Variants in WWOX observed in about 807,000 individuals in gnomAD.
The protein encoded by WWOX is WW domain containing oxidoreductase, also known as WW domain-containing oxidoreductase.
A neutral mutation model predicts 46.2 loss-of-function variants in WWOX; 69 were observed. That is an observed-to-expected ratio of 1.49 (90% CI 1.23 to 1.82). The LOEUF is 1.82. WWOX is among the 40% of genes most tolerant of loss of function. The pLI is 0.00. For synonymous variants in WWOX, 359 were observed against 202.6 expected (o/e 1.77, Z -6.56); for missense variants, 919 against 542.6 (o/e 1.69, Z -6.89).
intron 8 of WWOX, among the ~76,000 whole-genome samples, chr16:78,815,506 C>T (rs1385294782): frequency 2.0e-5 from 3 of 152,174 alleles, no homozygotes; most frequent in African/African-American, 4.8e-5. Context: ...AGTGTACCAT[C>T]TGCCTCTTGC....
intron 8 of WWOX, among the ~76,000 whole-genome samples, chr16:78,523,897 A>T (rs992375311): frequency 2.0e-4 from 30 of 152,198 alleles, no homozygotes; most frequent in African/African-American, 6.5e-4. Flanking sequence ...TACAGGTAAG[A>T]ACACAGCCCC....
At chr16:78,593,326 C>T (rs1298434893) in intron 8 of WWOX, among the ~76,000 whole-genome samples, 1 of 152,158 alleles carries the variant, frequency 6.6e-6, no homozygotes, top group Non-Finnish European at 1.5e-5. Context: ...TAGGCTTGAA[C>T]CACCATCCCT....
intron 8 of WWOX, among the ~76,000 whole-genome samples, chr16:79,117,079 T>G (rs561972101): frequency 1.3e-5 from 2 of 152,244 alleles, no homozygotes; most frequent in African/African-American, 4.8e-5. Context: ...TGAGACAGCC[T>G]GGTCTGGAAT....
At chr16:78,599,063 T>G (rs967727141) in intron 8 of WWOX, among the ~76,000 whole-genome samples, 1 of 152,146 alleles carries the variant, frequency 6.6e-6, no homozygotes, top group Non-Finnish European at 1.5e-5. Context: ...GCTCACAGTT[T>G]GTTTCATGTC....
intron 8 of WWOX, among the ~76,000 whole-genome samples, chr16:78,762,416 GAACT>G (rs2049816892): frequency 6.6e-6 from 1 of 152,116 alleles, no homozygotes; most frequent in Admixed American, 6.6e-5. Flanking sequence ...TTTAGAAGGG[GAACT>G]GCTCACCGCC....
chr16:78,239,658 C>T (rs950192084), intron 5 of WWOX, among the ~76,000 whole-genome samples: 20 of 152,150 alleles, frequency 1.3e-4, no homozygotes. Context: ...TCTCAGTCTC[C>T]TGAGTAGGTG....
chr16:78,378,712 G>T (rs994936494), intron 5 of WWOX, among the ~76,000 whole-genome samples: 3 of 152,158 alleles, frequency 2.0e-5, no homozygotes, highest in Non-Finnish European at 4.4e-5. Flanking sequence ...AAGGGTGAGA[G>T]ACATCAGCAT....
At chr16:79,204,281 A>T (rs1384479719) in intron 8 of WWOX, 1 of 152,096 alleles carries the variant, frequency 6.6e-6, no homozygotes, top group African/African-American at 2.4e-5. Flanking sequence ...TCTTAGTTCT[A>T]ATGAGACAGC....
chr16:79,086,526 A>G (rs2048856922), intron 8 of WWOX, among the ~76,000 whole-genome samples: 1 of 152,180 alleles, frequency 6.6e-6, no homozygotes, highest in African/African-American at 2.4e-5. Context: ...TCCAAATTCT[A>G]AAGTAATGAA....
intron 8 of WWOX, among the ~76,000 whole-genome samples, chr16:78,887,968 A>C (rs1163849473): frequency 6.6e-6 from 1 of 152,244 alleles, no homozygotes; most frequent in Non-Finnish European, 1.5e-5. Context: ...ACAATTTCTA[A>C]ATAAAACTTT....
At chr16:78,656,331 C>G (rs2047079948) in intron 8 of WWOX, among the ~76,000 whole-genome samples, 1 of 152,054 alleles carries the variant, frequency 6.6e-6, no homozygotes, top group African/African-American at 2.4e-5. Context: ...CTCCTGGTGC[C>G]TGTATTAGTC....
chr16:78,366,767 G>C (rs966120549), intron 5 of WWOX, among the ~76,000 whole-genome samples: 2 of 152,116 alleles, frequency 1.3e-5, no homozygotes, highest in Admixed American at 1.3e-4. Flanking sequence ...TGTTCTAGAG[G>C]ATTCGTGGTC....
intron 6 of WWOX, among the ~76,000 whole-genome samples, chr16:78,411,695 T>C (rs2082684743): frequency 6.6e-6 from 1 of 152,126 alleles, no homozygotes; most frequent in Admixed American, 6.5e-5. Context: ...TAACCAGTAT[T>C]CATAAAAAGT....
chr16:78,114,057 T>C (rs948294914), intron 3 of WWOX, among the ~76,000 whole-genome samples: 1 of 151,570 alleles, frequency 6.6e-6, no homozygotes, highest in African/African-American at 2.4e-5. Flanking sequence ...GTAAATTCTA[T>C]TATAAGGAGT....
chr16:79,132,097 C>G (rs534467978), intron 8 of WWOX, among the ~76,000 whole-genome samples: 1 of 149,540 alleles, frequency 6.7e-6, no homozygotes, highest in East Asian at 2.0e-4. Context: ...AGAGTCAAAC[C>G]GTATCACTCT....
intron 8 of WWOX, among the ~76,000 whole-genome samples, chr16:79,096,185 G>A (rs1017012645): frequency 2.6e-5 from 4 of 151,756 alleles, no homozygotes; most frequent in African/African-American, 9.7e-5. Context: ...TTTCTTTTAA[G>A]GGCCTCCTGG....
At chr16:78,289,145 T>G (rs1447840499) in intron 5 of WWOX, among the ~76,000 whole-genome samples, 2 of 152,156 alleles carry the variant, frequency 1.3e-5, no homozygotes, top group African/African-American at 4.8e-5. Flanking sequence ...GGTAAAACTT[T>G]ACTTGGTGCT....
chr16:78,615,363 T>C (rs1245906328), intron 8 of WWOX, among the ~76,000 whole-genome samples: 2 of 152,146 alleles, frequency 1.3e-5, no homozygotes, highest in Non-Finnish European at 2.9e-5. Context: ...AAAGAAGTTG[T>C]TGGGGCTGGG....
chr16:78,870,696 G>A (rs2044108424), intron 8 of WWOX, among the ~76,000 whole-genome samples: 1 of 152,092 alleles, frequency 6.6e-6, no homozygotes, highest in South Asian at 2.1e-4. Context: ...CTGCCTCCTG[G>A]GTTCAAGCAA....
Sources: gnomAD v4.1 joint callset for allele counts (sites outside exome capture counted in the v4.1 genomes callset) on GRCh38, gnomAD v4.1.1 for gene constraint, MANE v1.5 for transcripts, NCBI Gene and HGNC (gene_info 2026-07-23, HGNC 2026-07-21) for gene names.